TTC4: variants seen among roughly 807,000 people sequenced by gnomAD.
The protein encoded by TTC4 is hsp70/Hsp90 co-chaperone CNS1 homolog.
A neutral mutation model predicts 51.9 loss-of-function variants in TTC4; 36 were observed. That is an observed-to-expected ratio of 0.69 (90% CI 0.53 to 0.92). The LOEUF (loss-of-function observed/expected upper bound fraction) is 0.92. Ranked by LOEUF, TTC4 falls within the 40% of genes least tolerant of loss-of-function variation. TTC4 has a pLI of 0.00. For synonymous variants in TTC4, 144 were observed against 164.2 expected, an observed-to-expected ratio of 0.88 and a Z score of 0.94; for missense variants, 399 against 454.6, an observed-to-expected ratio of 0.88 and a Z score of 1.11.
chr1:54,727,155 A>G (rs1028261593), intron 5 of TTC4, among the ~76,000 whole-genome samples: 1 of 152,218 alleles, frequency 6.6e-6, no homozygotes, highest in African/African-American at 2.4e-5. Context: ...TGGCATAACA[A>G]TAGACATATA....
chr1:54,716,501 C>A (rs1645677882), intron 1 of TTC4, 99 bp from the exon 2 acceptor site: 1 of 883,222 alleles, frequency 1.1e-6, no homozygotes, highest in Non-Finnish European at 1.8e-6. Context: ...TGATGATTTG[C>A]AAATCATGAT....
At chr1:54,718,892 G>A (rs1312176026) in intron 3 of TTC4, among the ~76,000 whole-genome samples, 1 of 152,116 alleles carries the variant, frequency 6.6e-6, no homozygotes, top group Non-Finnish European at 1.5e-5. Flanking sequence ...CTCCCAATGT[G>A]CTGTGTACTC....
intron 3 of TTC4, among the ~76,000 whole-genome samples, chr1:54,718,769 G>A (rs541379081): frequency 6.6e-6 from 1 of 152,162 alleles, no homozygotes; most frequent in Non-Finnish European, 1.5e-5. Context: ...GGTTATGTTA[G>A]ACCTGTGGGT....
At chr1:54,739,334 G>C (rs150052600) in intron 9 of TTC4, among the ~76,000 whole-genome samples, 1 of 152,322 alleles carries the variant, frequency 6.6e-6, no homozygotes, top group Non-Finnish European at 1.5e-5. Flanking sequence ...TATGAAGAAA[G>C]CATTGGCTCT....
chr1:54,731,911 C>G (rs930531633), intron 7 of TTC4, among the ~76,000 whole-genome samples: 1 of 152,160 alleles, frequency 6.6e-6, no homozygotes, highest in African/African-American at 2.4e-5. Flanking sequence ...CATCGTCATA[C>G]TAACTGGGCT....
At chr1:54,736,255 A>T (rs1358007400) in intron 8 of TTC4, among the ~76,000 whole-genome samples, 4,793 of 120,728 alleles carry the variant, frequency 0.04, 598 homozygotes, top group African/African-American at 0.12. Flanking sequence ...AGGAGAGAGG[A>T]GAGAGAGAGA....
At chr1:54,723,838 A>G (rs1645771594) in intron 5 of TTC4, among the ~76,000 whole-genome samples, 1 of 152,164 alleles carries the variant, frequency 6.6e-6, no homozygotes, top group Admixed American at 6.5e-5. Flanking sequence ...ACTGTTTTTA[A>G]TCATCATTTT....
intron 8 of TTC4, chr1:54,736,866 G>C (rs377020290): frequency 1.3e-5 from 2 of 152,706 alleles, no homozygotes; most frequent in African/African-American, 4.8e-5. Flanking sequence ...GACCCTACAT[G>C]GACATCCTCC....
intron 5 of TTC4, among the ~76,000 whole-genome samples, chr1:54,724,762 A>G (rs1570042417): frequency 6.6e-6 from 1 of 152,204 alleles, no homozygotes; most frequent in South Asian, 2.1e-4. Context: ...CAGTATTTAA[A>G]AAATAGAGAG....
rs774238081 is a variant in TTC4, at chr1:54,721,238, G to C, written c.467G>C (p.Arg156Thr). The change falls in exon 4 of 10, where the codon AGA becomes ACA. Residue 156 changes from arginine (R) to threonine (T), a missense_variant and splice_region_variant. Around this residue, in one of 3 missense-constraint regions of TTC4, gnomAD observed 316 missense variants for 349.6 expected, o/e 0.90. Coordinates refer to ENST00000371281, the MANE Select transcript of TTC4 (RefSeq NM_004623.5). Reference protein sequence around the residue: ...LKPCHLKAIIRGALCHLELKH... With the variant: ...LKPCHLKAIITGALCHLELKH... ...CCCTGCCACCTCAAAGCAATAATAA[G>C]AGGTAAGTCTTGTGGAACTACAGTA... The C allele has an allele frequency of 1.2e-6, 2 of 1,613,066 alleles. No individual in the cohort carries two copies. The highest frequency in any genetic ancestry group is 3.3e-5 in the Admixed American group (2 of 59,982).
In TTC4 at chr1:54,729,913, G is replaced by A. The variant is rs150751872; in HGVS notation, c.681+1481G>A. 0.012 allele frequency among the ~76,000 whole-genome samples: 1,785 copies of A among 152,224 alleles called. 96 individuals are homozygous for A. In the East Asian group the frequency reaches 0.14, roughly 12 times the overall value. On this transcript the variant is annotated intron_variant, in intron 6 of 9. Transcript: ENST00000371281. ...TTTTTGTATTTTTAGTAGAGACGGG[G>A]TTTCACCATATTGGTCAGGCTGGTC...
chr1:54,736,744 T>C (rs1645949191), intron 8 of TTC4: 1 of 152,606 alleles, frequency 6.6e-6, no homozygotes, highest in Non-Finnish European at 1.5e-5. Context: ...CCCTCTCCTA[T>C]GTGGAGCCTT....
Position 54,715,890 on chromosome 1 carries a change from G to T in TTC4, c.-19G>T. 1 of 1,583,042 alleles carries T rather than the reference G, an allele frequency of 6.3e-7. No homozygotes were observed. Among genetic ancestry groups the T allele is most frequent in the South Asian group, 1.1e-5 (1 of 87,728 alleles). ...GCTTCACGGCGCTGGGACCCGGGCTGGAAGGCAGGGCATCAGCTATGGAAC... is the reference window on the plus strand; with the variant it reads ...GCTTCACGGCGCTGGGACCCGGGCTTGAAGGCAGGGCATCAGCTATGGAAC... On this transcript the variant is annotated 5_prime_UTR_variant, in exon 1 of 10. Transcript: ENST00000371281.
rs182954764 is a variant in TTC4 at position 54,727,111 on chromosome 1, C to T, written c.595-1235C>T. On this transcript the variant is annotated intron_variant, in intron 5 of 9. Coordinates refer to ENST00000371281, the MANE Select transcript of TTC4 (RefSeq NM_004623.5). ...TCACACTTCCCAATTTCAAAACATACGACAGAGCTACAGTAATCAAGGCAT... is the reference window on the plus strand; with the variant it reads ...TCACACTTCCCAATTTCAAAACATATGACAGAGCTACAGTAATCAAGGCAT... 3.3e-3 allele frequency among the ~76,000 whole-genome samples: 493 copies of T among 148,260 alleles called. 2 individuals carry two copies. The highest frequency in any genetic ancestry group is 4.8e-3 in the Non-Finnish European group (320 of 67,356).
chr1:54,719,689 A>C lies in TTC4; in HGVS notation c.392-1474A>C, dbSNP rs183712248. ...TAAAGTTGCATCATATGGACATGCC[A>C]CTATTTATACTGTTTGCTTTATTAG... On this transcript the variant is annotated intron_variant, in intron 3 of 9. Transcript: ENST00000371281. Among the ~76,000 whole-genome samples the C allele has an allele frequency of 2.4e-3, 365 of 152,350 alleles. 1 individual carries two copies. Among genetic ancestry groups the C allele is most frequent in the African/African-American group, 8.4e-3 (349 of 41,580 alleles).
At chr1:54,725,677 T>TGTGG in intron 5 of TTC4, among the ~76,000 whole-genome samples, 1 of 152,236 alleles carries the variant, frequency 6.6e-6, no homozygotes, top group Admixed American at 6.5e-5. Context: ...TTAAACCAGC[T>TGTGG]AATTTAAATA....
intron 7 of TTC4, among the ~76,000 whole-genome samples, 160 bp downstream of exon 7, chr1:54,731,860 G>A (rs1345599766): frequency 1.5e-4 from 18 of 119,652 alleles, no homozygotes; most frequent in Non-Finnish European, 2.3e-4. Context: ...GTAGCTGACT[G>A]AACCTTGACT....
chr1:54,723,770 G>A (rs968558216), intron 5 of TTC4, among the ~76,000 whole-genome samples: 1 of 152,220 alleles, frequency 6.6e-6, no homozygotes, highest in African/African-American at 2.4e-5. Flanking sequence ...CACACACACA[G>A]TAGTGCTATT....
intron 5 of TTC4, among the ~76,000 whole-genome samples, chr1:54,724,231 C>T (rs1471178167): frequency 1.3e-5 from 2 of 151,920 alleles, no homozygotes; most frequent in Admixed American, 6.6e-5. Flanking sequence ...GACTTCAAGG[C>T]AGCAAGTGTT....
Sources: gnomAD v4.1 joint callset for allele counts (sites outside exome capture counted in the v4.1 genomes callset) on GRCh38, gnomAD v4.1.1 for gene constraint, gnomAD v4.1.1 regional missense constraint, MANE v1.5 for transcripts, NCBI Gene and HGNC (gene_info 2026-07-23, HGNC 2026-07-21) for gene names.